Variants in NELL2 observed in about 807,000 individuals in gnomAD.
The protein encoded by NELL2 is protein kinase C-binding protein NELL2.
NELL2 carries 41 observed loss-of-function variants against 109.6 expected under a neutral mutation model. The observed-to-expected ratio is 0.37, with a 90% confidence interval of 0.29 to 0.49. The LOEUF is 0.49. Among genes scored for constraint, NELL2 ranks in the 20% least tolerant of loss-of-function variants. The pLI, the probability that NELL2 is intolerant of heterozygous loss-of-function variation, is 0.98. For synonymous variants in NELL2, 355 were observed against 344.7 expected (o/e 1.03, Z -0.33); for missense variants, 900 against 1,008.3 (o/e 0.89, Z 1.45).
chr12:44,814,307 G>A (rs146415441), intron 3 of NELL2, among the ~76,000 whole-genome samples: 59 of 152,320 alleles, frequency 3.9e-4, no homozygotes, highest in African/African-American at 1.3e-3. Flanking sequence ...TCACAGGGAA[G>A]CAAAATCTAA....
At chr12:44,876,723 CATGTGCACTCGTGCACTGGG>C (rs772995432), upstream of NELL2, 1 of 1,545,096 alleles carries the variant, frequency 6.5e-7, no homozygotes, top group South Asian at 1.2e-5. Flanking sequence ...GAGGGAAGCC[CATGTGCACTCGTGCACTGGG>C]CTCCGGAGCA....
At chr12:44,571,763 C>A (rs1039759652) in intron 15 of NELL2, among the ~76,000 whole-genome samples, 1 of 152,074 alleles carries the variant, frequency 6.6e-6, no homozygotes, top group African/African-American at 2.4e-5. Flanking sequence ...TCTTGGGGTC[C>A]CATGACGATA....
intron 15 of NELL2, among the ~76,000 whole-genome samples, chr12:44,595,853 T>A (rs978331269): frequency 3.3e-5 from 5 of 152,156 alleles, no homozygotes; most frequent in African/African-American, 1.2e-4. Flanking sequence ...AATGGAAACT[T>A]TGTCTAACAC....
chr12:44,553,502 A>T (rs1248997533), intron 15 of NELL2, among the ~76,000 whole-genome samples: 1 of 152,144 alleles, frequency 6.6e-6, no homozygotes, highest in Non-Finnish European at 1.5e-5. Context: ...TTTTTTTAAA[A>T]GAAGAATCAA....
rs916898652 is a variant in NELL2, at chr12:44,521,919, G to A, written c.2175+81C>T. The A allele has an allele frequency of 3.5e-6, 5 of 1,412,276 alleles. No individual in the cohort carries two copies. In the African/African-American group the frequency reaches 7.1e-5, roughly 20 times the overall value. The allele number at this position is 1,412,276 out of a possible 1,614,324, so 87.5% of individuals were successfully genotyped here. A position where few individuals can be genotyped will look rare whatever the true frequency, so the allele number is the denominator to read the frequency against. On this transcript the variant is annotated intron_variant, in intron 18 of 19. Coordinates refer to ENST00000429094, the MANE Select transcript of NELL2 (RefSeq NM_001145108.2). ...ACACTGTGGCCTGGTGCTAGGTATT[G>A]GCAGATGGGGAGGACGAGGTTGCTT...
chr12:44,809,210 A>G (rs751978827), intron 3 of NELL2, among the ~76,000 whole-genome samples: 4 of 152,082 alleles, frequency 2.6e-5, no homozygotes, highest in Non-Finnish European at 5.9e-5. Context: ...TAAAACATGG[A>G]AGAAGGAAAC....
At chr12:44,765,285 T>C (rs1941284041) in intron 9 of NELL2, among the ~76,000 whole-genome samples, 1 of 152,212 alleles carries the variant, frequency 6.6e-6, no homozygotes, top group Non-Finnish European at 1.5e-5. Flanking sequence ...GCACAAGTAT[T>C]TGTGAGACAT....
chr12:44,712,076 T>C (rs1938234686), intron 10 of NELL2, among the ~76,000 whole-genome samples: 2 of 152,094 alleles, frequency 1.3e-5, no homozygotes, highest in Admixed American at 1.3e-4. Flanking sequence ...TGAAGTATTC[T>C]TGCCTTAGGA....
Position 44,576,620 on chromosome 12 carries a change from A to C in NELL2, c.1663+30549T>G, listed in dbSNP as rs545028358. 9.2e-5 allele frequency among the ~76,000 whole-genome samples: 14 copies of C among 151,794 alleles called. No individual in the cohort carries two copies. The South Asian group carries it at 2.9e-3, about 32-fold the overall frequency. On this transcript the variant is annotated intron_variant, in intron 15 of 19. Transcript: ENST00000429094. ...TTGTGCAGGTTAGTTACATATGTAT[A>C]CATGTGCCATGCTGGTGCGCTGCAC...
rs200328352 is a variant in NELL2, at chr12:44,523,492, C to G, written c.1805-8G>C. 1 of 1,611,526 alleles carries G rather than the reference C, an allele frequency of 6.2e-7. No homozygotes were observed. On this transcript the variant is annotated splice_polypyrimidine_tract_variant and splice_region_variant and intron_variant, in intron 16 of 19. Coordinates refer to ENST00000429094, the MANE Select transcript of NELL2 (RefSeq NM_001145108.2). ...TCCCACACTCATCAATATCTATAGA[C>G]AAGAAAAAGCAGCACTCAATGTGCT... is the stretch of plus-strand genomic sequence containing the variant.
At chr12:44,592,219 C>T (rs535742103) in intron 15 of NELL2, among the ~76,000 whole-genome samples, 11 of 152,220 alleles carry the variant, frequency 7.2e-5, no homozygotes, top group African/African-American at 2.2e-4. Context: ...CATAAAGTTG[C>T]TATTATGATT....
chr12:44,616,490 G>C (rs757460580), intron 13 of NELL2, among the ~76,000 whole-genome samples: 7 of 152,088 alleles, frequency 4.6e-5, no homozygotes, highest in Non-Finnish European at 8.8e-5. Context: ...ACTATCATTT[G>C]ATTCCTAGAA....
chr12:44,701,054 G>A lies in NELL2; in HGVS notation c.1318+2672C>T, dbSNP rs575238103. ...CTTATTTTTATGTATAATCACAAGT[G>A]TAATTTATTTAAGGACCAAATATAT... On this transcript the variant is annotated intron_variant, in intron 12 of 19. Coordinates refer to ENST00000429094, the MANE Select transcript of NELL2 (RefSeq NM_001145108.2). Among the ~76,000 whole-genome samples, 23 of 152,164 alleles carry A rather than the reference G, an allele frequency of 1.5e-4. No homozygotes were observed. The South Asian group carries it at 1.7e-3, about 11-fold the overall frequency.
intron 12 of NELL2, among the ~76,000 whole-genome samples, chr12:44,694,336 A>G (rs747387126): frequency 6.6e-6 from 1 of 152,122 alleles, no homozygotes; most frequent in Non-Finnish European, 1.5e-5. Context: ...TCGGACTGGA[A>G]CTTATATCAT....
At chr12:44,588,377 G>A (rs1944620156) in intron 15 of NELL2, among the ~76,000 whole-genome samples, 1 of 152,088 alleles carries the variant, frequency 6.6e-6, no homozygotes, top group East Asian at 1.9e-4. Flanking sequence ...AAGCTTCACG[G>A]CCAAGGCTGT....
chr12:44,886,669 A>T (rs1184269679), intron 1 of NELL2, among the ~76,000 whole-genome samples: 1 of 151,882 alleles, frequency 6.6e-6, no homozygotes. Context: ...GAACCATCCA[A>T]ATTATTCTCT....
chr12:44,514,074 A>T (rs1012246445), intron 19 of NELL2, among the ~76,000 whole-genome samples: 1 of 151,964 alleles, frequency 6.6e-6, no homozygotes, highest in African/African-American at 2.4e-5. Context: ...ATAAAAAAAC[A>T]AATGATCACT....
At chr12:44,830,920 C>T (rs1045448376) in intron 2 of NELL2, among the ~76,000 whole-genome samples, 1 of 151,906 alleles carries the variant, frequency 6.6e-6, no homozygotes, top group Non-Finnish European at 1.5e-5. Context: ...CTCAGGAATT[C>T]ATGAATTTTG....
At chr12:44,686,271 C>A (rs899834863) in intron 12 of NELL2, among the ~76,000 whole-genome samples, 7 of 152,182 alleles carry the variant, frequency 4.6e-5, no homozygotes, top group African/African-American at 9.6e-5. Flanking sequence ...TCCATCAGCT[C>A]CTCTAAGCAC....
Sources: gnomAD v4.1 joint callset for allele counts (sites outside exome capture counted in the v4.1 genomes callset) on GRCh38, gnomAD v4.1.1 for gene constraint, MANE v1.5 for transcripts, NCBI Gene and HGNC (gene_info 2026-07-23, HGNC 2026-07-21) for gene names.